Variants in TENM2 observed in about 807,000 individuals in gnomAD.
TENM2 encodes the protein teneurin-2.
In TENM2, 52 loss-of-function variants were observed where a neutral mutation model predicts 245.2. That is an observed-to-expected ratio of 0.21 (90% CI 0.17 to 0.27). The LOEUF is 0.27. TENM2 is among the 10% of genes least tolerant of loss of function. TENM2 has a pLI of 1.00. For synonymous variants in TENM2, 1,363 were observed against 1,438.9 expected (o/e 0.95, Z 1.19); for missense variants, 3,046 against 3,666.8 (o/e 0.83, Z 4.37).
At chr5:167,414,946 T>C (rs1256540603) in intron 2 of TENM2, among the ~76,000 whole-genome samples, 1 of 152,160 alleles carries the variant, frequency 6.6e-6, no homozygotes, top group Non-Finnish European at 1.5e-5. Flanking sequence ...CATCAGTTAA[T>C]ATTTTACTAA....
intron 3 of TENM2, among the ~76,000 whole-genome samples, chr5:167,886,709 A>G (rs1365392216): frequency 6.6e-6 from 1 of 152,222 alleles, no homozygotes; most frequent in Non-Finnish European, 1.5e-5. Context: ...AATTCTTTAA[A>G]CCATGTGCAC....
chr5:168,217,988 A>G (rs557841061), intron 22 of TENM2, 137 bp from the exon 25 acceptor site: 10 of 858,748 alleles, frequency 1.2e-5, no homozygotes, highest in African/African-American at 1.7e-5. Context: ...AGCTGGTTCA[A>G]TGAAGAGCAT....
chr5:168,216,458 A>G (rs1020243278), intron 21 of TENM2, among the ~76,000 whole-genome samples: 1 of 152,240 alleles, frequency 6.6e-6, no homozygotes, highest in African/African-American at 2.4e-5. Flanking sequence ...GAGCAGATGC[A>G]AAGTTATTTC....
In TENM2 at chr5:167,804,444, T is replaced by A. The variant is rs144987073; in HGVS notation, c.503-71542T>A. On this transcript the variant is annotated intron_variant, in intron 2 of 28. Coordinates refer to ENST00000518659, the Ensembl canonical transcript of TENM2. ...AGGAATCTGCTTCTTGGGTTACATA[T>A]GTCCTAAACTAGTTATTAAGCCTTT... Among the ~76,000 whole-genome samples, 516 of 152,254 alleles carry A rather than the reference T, an allele frequency of 3.4e-3. 2 individuals carry two copies. Among genetic ancestry groups the A allele is most frequent in the African/African-American group, 0.011 (448 of 41,540 alleles).
chr5:168,193,398 A>G (rs932547915), intron 14 of TENM2, among the ~76,000 whole-genome samples: 2 of 152,236 alleles, frequency 1.3e-5, no homozygotes, highest in Non-Finnish European at 2.9e-5. Flanking sequence ...ACTATAATTT[A>G]TAGAGCAGAT....
rs192305858 is a variant in TENM2, at chr5:167,741,544, T to C, written c.503-134442T>C. ...GGCTTCACACACAGTCTTCAGCTATTACCTCTACACAAATTCCTCTCAGAT... is the reference window on the plus strand; with the variant it reads ...GGCTTCACACACAGTCTTCAGCTATCACCTCTACACAAATTCCTCTCAGAT... On this transcript the variant is annotated intron_variant, in intron 2 of 28. Transcript: ENST00000518659. Among the ~76,000 whole-genome samples, 52 of 152,288 alleles carry C rather than the reference T, an allele frequency of 3.4e-4. No homozygotes were observed. The Middle Eastern group carries it at 0.031, about 90-fold the overall frequency.
At chr5:167,408,831 A>AT (rs1312509510) in intron 2 of TENM2, among the ~76,000 whole-genome samples, 2 of 150,186 alleles carry the variant, frequency 1.3e-5, no homozygotes, top group Non-Finnish European at 3.0e-5. Context: ...TAGTGTATAT[A>AT]TATGTCTAAT....
At chr5:168,013,465 C>T (rs564061940) in intron 5 of TENM2, among the ~76,000 whole-genome samples, 1 of 151,966 alleles carries the variant, frequency 6.6e-6, no homozygotes, top group Non-Finnish European at 1.5e-5. Flanking sequence ...TTAGCCAGGC[C>T]TGGTGGCACA....
At chr5:168,222,701 A>G (rs1763772586) in intron 23 of TENM2, among the ~76,000 whole-genome samples, 2 of 152,042 alleles carry the variant, frequency 1.3e-5, no homozygotes, top group African/African-American at 4.8e-5. Flanking sequence ...TGTCCTTAAA[A>G]TTACACTCTC....
the TENM2 span, among the ~76,000 whole-genome samples, chr5:167,267,807 T>C: frequency 2.6e-5 from 4 of 152,302 alleles, no homozygotes; most frequent in South Asian, 2.1e-4. Flanking sequence ...ATTGATGTTA[T>C]TGAGTTATTT....
chr5:167,335,752 T>C (rs1422534), intron 1 of TENM2, among the ~76,000 whole-genome samples: 11,497 of 152,212 alleles, frequency 0.076, 919 homozygotes, highest in Admixed American at 0.26. Flanking sequence ...TCCACCATCT[T>C]ATCCAAACAA....
chr5:167,315,837 T>C (rs1321067133), intron 1 of TENM2, among the ~76,000 whole-genome samples: 1 of 152,074 alleles, frequency 6.6e-6, no homozygotes, highest in East Asian at 1.9e-4. Context: ...ACAAATGCTG[T>C]TTACATTTCC....
At chr5:168,006,913 G>A (rs1784865054) in intron 5 of TENM2, among the ~76,000 whole-genome samples, 1 of 152,126 alleles carries the variant, frequency 6.6e-6, no homozygotes, top group African/African-American at 2.4e-5. Context: ...GTTCCACCTG[G>A]GTGCCTGCCA....
chr5:167,401,515 G>A (rs1257050746), intron 2 of TENM2, among the ~76,000 whole-genome samples: 1 of 152,124 alleles, frequency 6.6e-6, no homozygotes. Context: ...AGGACAAAGT[G>A]TAAAATGTTC....
At chr5:167,109,808 G>A in the TENM2 span, among the ~76,000 whole-genome samples, 1 of 152,168 alleles carries the variant, frequency 6.6e-6, no homozygotes, top group Admixed American at 6.5e-5. Flanking sequence ...GGCATAGGAT[G>A]CTAGTAACTA....
At chr5:167,849,617 A>T (rs1292331954) in intron 2 of TENM2, among the ~76,000 whole-genome samples, 1 of 152,092 alleles carries the variant, frequency 6.6e-6, no homozygotes, top group African/African-American at 2.4e-5. Context: ...CCCACTTCAG[A>T]TGTTAATCAC....
chr5:167,091,600 T>C, the TENM2 span, among the ~76,000 whole-genome samples: 1 of 152,200 alleles, frequency 6.6e-6, no homozygotes, highest in Non-Finnish European at 1.5e-5. Flanking sequence ...TTTAGGGATA[T>C]TTTTATAATT....
At chr5:167,665,729 G>A (rs552587448) in intron 2 of TENM2, among the ~76,000 whole-genome samples, 1 of 152,200 alleles carries the variant, frequency 6.6e-6, no homozygotes, top group South Asian at 2.1e-4. Flanking sequence ...AAATAATGTG[G>A]CGTGTAATAG....
chr5:168,259,165 C>G (rs769554849), intron 27 of TENM2, among the ~76,000 whole-genome samples: 48 of 152,248 alleles, frequency 3.2e-4, no homozygotes, highest in Middle Eastern at 3.4e-3. Context: ...AGGACCTAGA[C>G]CATTCAGCAG....
Sources: gnomAD v4.1 joint callset for allele counts (sites outside exome capture counted in the v4.1 genomes callset) on GRCh38, gnomAD v4.1.1 for gene constraint, MANE v1.5 for transcripts, NCBI Gene and HGNC (gene_info 2026-07-23, HGNC 2026-07-21) for gene names.